ANK3: variants seen among roughly 807,000 people sequenced by gnomAD.
ANK3 encodes the protein ankyrin-3.
A neutral mutation model predicts 370.9 loss-of-function variants in ANK3; 57 were observed. The ratio of observed to expected loss-of-function variants is 0.15; its 90% CI spans 0.12 to 0.19. The LOEUF is 0.19. Ranked by LOEUF, ANK3 falls within the 10% of genes least tolerant of loss-of-function variation. The probability of loss-of-function intolerance (pLI) is 1.00; values close to 1 mark genes in which losing one functional copy is unlikely to be tolerated. For missense variants in ANK3, 4,439 were observed against 5,302.1 expected (o/e 0.84, Z 5.06); for synonymous variants, 1,929 against 1,946.3 (o/e 0.99, Z 0.23).
chr10:60,191,148 G>T (rs1167816894), intron 16 of ANK3, among the ~76,000 whole-genome samples: 3 of 152,072 alleles, frequency 2.0e-5, no homozygotes, highest in Non-Finnish European at 4.4e-5. Context: ...GAAACCATAA[G>T]AAAAACTCTT....
chr10:60,050,796 C>A (rs1340780195), intron 42 of ANK3: 2 of 151,816 alleles, frequency 1.3e-5, no homozygotes, highest in Non-Finnish European at 2.9e-5. Flanking sequence ...TTCAATTGTG[C>A]CGTAATAGGG....
At chr10:60,304,274 A>G (rs1038584575) in intron 1 of ANK3, among the ~76,000 whole-genome samples, 2 of 152,038 alleles carry the variant, frequency 1.3e-5, no homozygotes, top group African/African-American at 4.8e-5. Flanking sequence ...ACACACACAC[A>G]CACAGCAAAA....
intron 7 of ANK3, among the ~76,000 whole-genome samples, chr10:60,244,295 T>A (rs1040725270): frequency 5.9e-5 from 9 of 152,198 alleles, no homozygotes; most frequent in African/African-American, 1.9e-4. Context: ...CCATGTCTCA[T>A]CTCTTCTTTA....
intron 1 of ANK3, among the ~76,000 whole-genome samples, chr10:60,388,873 A>T (rs1259765675): frequency 6.6e-6 from 1 of 152,222 alleles, no homozygotes; most frequent in Admixed American, 6.5e-5. Flanking sequence ...ACTTGACAAA[A>T]AGCACCTTAT....
chr10:60,499,217 A>G (rs2075735214), intron 2 of ANK3, among the ~76,000 whole-genome samples: 1 of 152,146 alleles, frequency 6.6e-6, no homozygotes, highest in Non-Finnish European at 1.5e-5. Flanking sequence ...TCTTCCTCAA[A>G]AGGGTCATGA....
chr10:60,189,799 C>T (rs1299311731), intron 16 of ANK3, among the ~76,000 whole-genome samples: 1 of 152,094 alleles, frequency 6.6e-6, no homozygotes, highest in African/African-American at 2.4e-5. Flanking sequence ...TGTGCTTTTG[C>T]ATTTCAAAAT....
Position 60,071,683 on chromosome 10 carries a change from G to C in ANK3, c.9198C>G (p.Phe3066Leu). The C allele has an allele frequency of 6.2e-7, 1 of 1,603,036 alleles. No homozygotes were observed. Among genetic ancestry groups the C allele is most frequent in the South Asian group, 1.1e-5 (1 of 88,512 alleles). The change falls in exon 37 of 44, where the codon TTC becomes TTG. Residue 3066 changes from phenylalanine to leucine, a missense_variant. Coordinates refer to ENST00000280772, the MANE Select transcript of ANK3 (RefSeq NM_020987.5). ...PGKESPSSDVFDHSPIDGLEK... is the reference protein window; with the variant it reads ...PGKESPSSDVLDHSPIDGLEK... Reference sequence around the variant, plus strand: ...CCAATCCATCAATGGGACTGTGGTCGAATACATCACTAGAGGGAGATTCCT... The same window carrying C: ...CCAATCCATCAATGGGACTGTGGTCCAATACATCACTAGAGGGAGATTCCT...
intron 1 of ANK3, among the ~76,000 whole-genome samples, chr10:60,358,245 C>T (rs1392363929): frequency 6.6e-6 from 1 of 152,094 alleles, no homozygotes; most frequent in African/African-American, 2.4e-5. Flanking sequence ...CTTTATCTTG[C>T]TCCTCTCTTT....
intron 1 of ANK3, among the ~76,000 whole-genome samples, chr10:60,293,382 T>C (rs934840818): frequency 2.0e-5 from 3 of 152,226 alleles, no homozygotes; most frequent in African/African-American, 7.2e-5. Flanking sequence ...AACGATTAAC[T>C]CTTAGTCTTA....
At chr10:60,325,654 C>T (rs1181796339) in intron 1 of ANK3, among the ~76,000 whole-genome samples, 1 of 152,100 alleles carries the variant, frequency 6.6e-6, no homozygotes, top group Non-Finnish European at 1.5e-5. Flanking sequence ...GAAAATTATC[C>T]TTTGTGAATG....
At chr10:60,503,696 A>C (rs1311906169) in intron 2 of ANK3, among the ~76,000 whole-genome samples, 3 of 152,170 alleles carry the variant, frequency 2.0e-5, no homozygotes, top group Admixed American at 1.3e-4. Flanking sequence ...ACCAGAGGCA[A>C]TAATCCCAAG....
At chr10:60,054,788 G>A (rs2131909416) in intron 42 of ANK3, among the ~76,000 whole-genome samples, 1 of 152,266 alleles carries the variant, frequency 6.6e-6, no homozygotes, top group Admixed American at 6.5e-5. Context: ...AGCGAAAACT[G>A]CAAGTGCTAC....
chr10:60,470,530 A>G (rs1426916665), intron 2 of ANK3, among the ~76,000 whole-genome samples: 4 of 152,172 alleles, frequency 2.6e-5, no homozygotes, highest in Non-Finnish European at 4.4e-5. Flanking sequence ...AGAGAATGTC[A>G]GAATTCGTTG....
intron 2 of ANK3, among the ~76,000 whole-genome samples, chr10:60,503,736 C>A (rs1462337623): frequency 6.6e-6 from 1 of 152,148 alleles, no homozygotes; most frequent in Non-Finnish European, 1.5e-5. Flanking sequence ...TGAAGTTCTC[C>A]ACTTCTACAA....
chr10:60,635,412 A>C (rs543920679), intron 1 of ANK3, among the ~76,000 whole-genome samples: 1 of 152,314 alleles, frequency 6.6e-6, no homozygotes, highest in Non-Finnish European at 1.5e-5. Flanking sequence ...TGCCTAAAAA[A>C]AATCTATAAA....
At chr10:60,196,701 CAACA>C (rs1174651337) in intron 14 of ANK3, 76 bp from the exon 15 acceptor site, 3 of 906,012 alleles carry the variant, frequency 3.3e-6, no homozygotes, top group African/African-American at 1.7e-5. Flanking sequence ...CCAAACCAAA[CAACA>C]AACAAACAAA....
intron 7 of ANK3, among the ~76,000 whole-genome samples, chr10:60,239,573 G>T (rs2097392097): frequency 6.6e-6 from 1 of 151,978 alleles, no homozygotes; most frequent in Non-Finnish European, 1.5e-5. Flanking sequence ...GTAAACAAAA[G>T]CTAAGAGAAT....
chr10:60,568,437 A>T (rs952015686), intron 2 of ANK3, among the ~76,000 whole-genome samples: 2 of 152,228 alleles, frequency 1.3e-5, no homozygotes, highest in African/African-American at 4.8e-5. Context: ...AGACTACAGC[A>T]TAGTGCAAAT....
intron 2 of ANK3, among the ~76,000 whole-genome samples, chr10:60,476,405 T>A (rs920566243): frequency 3.3e-5 from 5 of 152,184 alleles, no homozygotes; most frequent in Admixed American, 1.3e-4. Flanking sequence ...CATCCTTTTT[T>A]AAGTGATTTT....
Sources: allele counts gnomAD v4.1 joint callset (sites outside exome capture counted in the v4.1 genomes callset), GRCh38; gene constraint gnomAD v4.1.1; transcripts MANE v1.5; gene names NCBI Gene and HGNC (gene_info 2026-07-23, HGNC 2026-07-21).